CAGE1: variants seen among roughly 807,000 people sequenced by gnomAD.
CAGE1 encodes the protein cancer-associated gene 1 protein.
A neutral mutation model predicts 94.9 loss-of-function variants in CAGE1; 66 were observed. The observed-to-expected ratio is 0.70, with a 90% CI of 0.57 to 0.85. The LOEUF (loss-of-function observed/expected upper bound fraction) is 0.85, where lower values mean the gene tolerates loss of function less well. Ranked by LOEUF, CAGE1 falls within the 40% of genes least tolerant of loss-of-function variation. CAGE1 has a pLI of 0.00. For synonymous variants in CAGE1, 319 were observed against 321.0 expected, an observed-to-expected ratio of 0.99 and a Z score of 0.07; for missense variants, 865 against 950.4, an observed-to-expected ratio of 0.91 and a Z score of 1.18.
chr6:7,339,424 T>C lies in CAGE1; in HGVS notation c.2370-5334A>G, dbSNP rs1395557613. ...TTCTGTGTTCTGGTGGCTAAGACAATGATTTCTGTCCTGGTTGGTGTAACT... is the reference window on the plus strand; with the variant it reads ...TTCTGTGTTCTGGTGGCTAAGACAACGATTTCTGTCCTGGTTGGTGTAACT... On this transcript the variant is annotated intron_variant, in intron 11 of 13. Transcript: ENST00000502583. The surrounding 1 kb of genome is among the most constrained non-coding windows in gnomAD (Gnocchi z 4.7). The C allele has an allele frequency of 2.0e-6, 3 of 1,479,420 alleles. No homozygotes were observed. Among genetic ancestry groups the C allele is most frequent in the East Asian group, 4.5e-5 (2 of 44,306 alleles). 91.6% of individuals were successfully genotyped at this position (1,479,420 alleles called of 1,614,324 possible). A position where few individuals can be genotyped will look rare whatever the true frequency, so the allele number is the denominator to read the frequency against.
chr6:7,389,666 G>C lies in CAGE1; in HGVS notation c.-488C>G, dbSNP rs770626930. 28 of 417,800 alleles carry C rather than the reference G, an allele frequency of 6.7e-5. No individual in the cohort carries two copies. Among genetic ancestry groups the C allele is most frequent in the Middle Eastern group, 6.8e-4 (1 of 1,460 alleles). The allele number at this position is 417,800 out of a possible 1,614,324, so 25.9% of individuals were successfully genotyped here. A position where few individuals can be genotyped will look rare whatever the true frequency, so the allele number is the denominator to read the frequency against. On this transcript the variant is annotated 5_prime_UTR_variant, in exon 1 of 14. Coordinates refer to ENST00000502583, the MANE Select transcript of CAGE1 (RefSeq NM_001170692.2). ...AGAAACGGCCAGCACGGGCCTCGCC[G>C]TGCCGGCTACTCAACACGCCTTCCT...
chr6:7,338,431 G>A (rs1033206987), intron 11 of CAGE1, among the ~76,000 whole-genome samples: 1 of 152,064 alleles, frequency 6.6e-6, no homozygotes, highest in Non-Finnish European at 1.5e-5. Context: ...TTCCTAGGTT[G>A]TTTAGGTTTT....
chr6:7,389,660 C>T lies in CAGE1; in HGVS notation c.-482G>A, dbSNP rs941492358. The T allele has an allele frequency of 2.2e-5, 9 of 410,090 alleles. No homozygotes were observed. Among genetic ancestry groups the T allele is most frequent in the African/African-American group, 1.6e-4 (8 of 49,932 alleles). The allele number at this position is 410,090 out of a possible 1,614,324, so 25.4% of individuals were successfully genotyped here. ...CCGGGAAGAAACGGCCAGCACGGGC[C>T]TCGCCGTGCCGGCTACTCAACACGC... On this transcript the variant is annotated 5_prime_UTR_variant, in exon 1 of 14. Coordinates refer to ENST00000502583, the MANE Select transcript of CAGE1 (RefSeq NM_001170692.2).
At chr6:7,377,159 T>C (rs1046893479) in intron 4 of CAGE1, among the ~76,000 whole-genome samples, 2 of 152,212 alleles carry the variant, frequency 1.3e-5, no homozygotes, top group Admixed American at 1.3e-4. Flanking sequence ...GAACTACATC[T>C]TTTTGTCTAT....
At chr6:7,347,664 G>A (rs1043287763) in intron 11 of CAGE1, among the ~76,000 whole-genome samples, 1 of 152,154 alleles carries the variant, frequency 6.6e-6, no homozygotes, top group South Asian at 2.1e-4. Flanking sequence ...CAGCTGGGAG[G>A]CAGGTAGCCT....
In CAGE1 at chr6:7,378,977, TG is replaced by T; in HGVS notation, c.326del (p.Pro109GlnfsTer10). On this transcript the variant is annotated frameshift_variant, in exon 4 of 14. Coordinates refer to ENST00000502583, the MANE Select transcript of CAGE1 (RefSeq NM_001170692.2). LOFTEE classifies it high-confidence loss of function. The stretch of plus-strand genomic sequence containing the variant: ...AGGAAGATATGCTGATGGTGTCAAC[TG>T]GCTGAATTAGTGCATTCGTTGAGTA... ...ENYSTNALIQ[P>X]VDTISISSLR... is the part of the protein sequence containing the mutation. The T allele has an allele frequency of 6.4e-7, 1 of 1,559,604 alleles. No individual in the cohort carries two copies. The highest frequency in any genetic ancestry group is 8.7e-7 in the Non-Finnish European group (1 of 1,151,588).
chr6:7,341,702 A>T, intron 11 of CAGE1: 1 of 707,464 alleles, frequency 1.4e-6, no homozygotes, highest in South Asian at 1.4e-5. Flanking sequence ...CTAAAGTCAA[A>T]GCCACTATAG....
In CAGE1 at chr6:7,387,058, C is replaced by T. The variant is rs1287693041; in HGVS notation, c.116G>A (p.Ser39Asn). The change falls in exon 2 of 14, where the codon AGC becomes AAC. Residue 39 changes from serine (S) to asparagine (N), a missense_variant. Coordinates refer to ENST00000502583, the MANE Select transcript of CAGE1 (RefSeq NM_001170692.2). The stretch of plus-strand genomic sequence containing the variant: ...AAGCATTACACCTTGAGAAAGATTG[C>T]TGACATTCATGGTATCCGATTCTGA... ...SMSESDTMNVSNLSQGVMLSH... is the reference protein window; with the variant it reads ...SMSESDTMNVNNLSQGVMLSH... 6.4e-7 allele frequency: 1 copy of T among 1,551,842 alleles called. No homozygotes were observed. Among genetic ancestry groups the T allele is most frequent in the East Asian group, 2.4e-5 (1 of 40,924 alleles).
At chr6:7,361,764 T>C (rs961774623) in intron 9 of CAGE1, among the ~76,000 whole-genome samples, 2 of 152,208 alleles carry the variant, frequency 1.3e-5, no homozygotes, top group African/African-American at 4.8e-5. Flanking sequence ...GAAGGACTAC[T>C]GTAAAATGCC....
At position 7,358,070 on chromosome 6, in the gene CAGE1, A is replaced by ATATATATATATATATT. The variant is rs1321838889; in HGVS notation, c.2194-1942_2194-1941insAATATATATATATATA. Among the ~76,000 whole-genome samples, 9 of 120,898 alleles carry ATATATATATATATATT rather than the reference A, an allele frequency of 7.4e-5. 1 individual carries two copies. Among genetic ancestry groups the ATATATATATATATATT allele is most frequent in the Non-Finnish European group, 1.4e-4 (8 of 57,386 alleles). 79.3% of individuals were successfully genotyped at this position (120,898 alleles called of 152,430 possible). ...TATATATATATATATATATATATAT[A>ATATATATATATATATT]TGCCTCCAAAACCATCACCAGCATC... On this transcript the variant is annotated intron_variant, in intron 9 of 13. Coordinates refer to ENST00000502583, the MANE Select transcript of CAGE1 (RefSeq NM_001170692.2).
At chr6:7,364,055 A>G (rs763645804) in intron 9 of CAGE1, among the ~76,000 whole-genome samples, 1 of 152,176 alleles carries the variant, frequency 6.6e-6, no homozygotes, top group Non-Finnish European at 1.5e-5. Context: ...CCTTGTTCCC[A>G]TTCCAGCTCC....
chr6:7,352,292 A>G (rs1374659913), intron 11 of CAGE1, among the ~76,000 whole-genome samples: 2 of 91,220 alleles, frequency 2.2e-5, no homozygotes, highest in East Asian at 4.3e-4. Flanking sequence ...AATAGCTGCA[A>G]AAAAAAAAAA....
intron 4 of CAGE1, among the ~76,000 whole-genome samples, chr6:7,374,383 C>A (rs570133124): frequency 6.6e-6 from 1 of 152,334 alleles, no homozygotes; most frequent in African/African-American, 2.4e-5. Context: ...GACAGATATA[C>A]ATCCCATTTA....
In CAGE1 at chr6:7,378,909, G is replaced by C. The variant is rs201345450; in HGVS notation, c.395C>G (p.Ala132Gly). ...CTTCTCTGTCATTTCATCATCAAAT[G>C]CTTCTACCCAGTGAAATTTGCAAAC... ...ETVCKFHWVEAFDDEMTEKPE... is the reference protein window; with the variant it reads ...ETVCKFHWVEGFDDEMTEKPE... Residue 132 changes from alanine to glycine, a missense_variant, in exon 4 of 14, where the codon GCA (alanine) becomes GGA (glycine). Coordinates refer to ENST00000502583, the MANE Select transcript of CAGE1 (RefSeq NM_001170692.2). 3.7e-6 allele frequency: 6 copies of C among 1,607,614 alleles called. No homozygotes were observed. The highest frequency in any genetic ancestry group is 1.7e-4 in the Middle Eastern group (1 of 6,048).
chr6:7,345,347 G>A (rs944026596), intron 11 of CAGE1, among the ~76,000 whole-genome samples: 3 of 142,548 alleles, frequency 2.1e-5, no homozygotes, highest in Non-Finnish European at 4.7e-5. Flanking sequence ...CAGGATGAAA[G>A]AAACTCTGAA....
intron 12 of CAGE1, among the ~76,000 whole-genome samples, chr6:7,332,886 T>C (rs1190848738): frequency 1.3e-5 from 2 of 152,200 alleles, no homozygotes; most frequent in African/African-American, 4.8e-5. Context: ...GGTAACAGTG[T>C]TATTAGCACC....
In CAGE1 at chr6:7,329,961, T is replaced by C. The variant is rs1009830830; in HGVS notation, c.2439-73A>G. The C allele has an allele frequency of 4.5e-6, 3 of 663,232 alleles. No homozygotes were observed. The Admixed American group carries it at 7.8e-5, about 17-fold the overall frequency. The allele number at this position is 663,232 out of a possible 1,614,324, so 41.1% of individuals were successfully genotyped here. On this transcript the variant is annotated intron_variant, in intron 12 of 13. Coordinates refer to ENST00000502583, the MANE Select transcript of CAGE1 (RefSeq NM_001170692.2). The stretch of plus-strand genomic sequence containing the variant: ...TGAAATAGTGAACATGGTGAGCAAG[T>C]TGCCATTATTTAGCATATTTTCCCC...
intron 11 of CAGE1, among the ~76,000 whole-genome samples, chr6:7,343,198 A>AAAAAAAAAAAAAAAAG (rs574460085): frequency 7.3e-6 from 1 of 137,320 alleles, no homozygotes. Context: ...CACAAAAAAA[A>AAAAAAAAAAAAAAAAG]AAAAGAAAAG....
intron 11 of CAGE1, among the ~76,000 whole-genome samples, chr6:7,345,690 G>T (rs1163762554): frequency 6.6e-6 from 1 of 152,026 alleles, no homozygotes; most frequent in Non-Finnish European, 1.5e-5. Flanking sequence ...CACTTTGGGA[G>T]GCTGAGGCGG....
Sources: allele counts gnomAD v4.1 joint callset (sites outside exome capture counted in the v4.1 genomes callset), GRCh38; gene constraint gnomAD v4.1.1; non-coding constraint Gnocchi (gnomAD v3.1); transcripts MANE v1.5; gene names NCBI Gene and HGNC (gene_info 2026-07-23, HGNC 2026-07-21).